Variants in DNAJC13 observed in about 807,000 individuals in gnomAD.
DNAJC13 encodes dnaJ homolog subfamily C member 13.
In DNAJC13, 75 loss-of-function variants were observed where a neutral mutation model predicts 290.5. The observed-to-expected ratio is 0.26, with a 90% CI of 0.21 to 0.31. The LOEUF (loss-of-function observed/expected upper bound fraction) is 0.31. DNAJC13 is among the 10% of genes least tolerant of loss of function. The pLI, the probability that DNAJC13 is intolerant of heterozygous loss-of-function variation, is 1.00. For missense variants in DNAJC13, 2,260 were observed against 2,674.5 expected, an observed-to-expected ratio of 0.85 and a Z score of 3.42; for synonymous variants, 862 against 892.0, an observed-to-expected ratio of 0.97 and a Z score of 0.60.
intron 51 of DNAJC13, 117 bp from the exon 52 acceptor site, chr3:132,525,493 A>G (rs1576521693): frequency 1.0e-6 from 1 of 1,000,936 alleles, no homozygotes; most frequent in East Asian, 2.5e-5. Context: ...ATCTGTTTTC[A>G]AGTATCAGCA....
intron 53 of DNAJC13, 97 bp downstream of exon 53, chr3:132,526,378 G>T (rs999095841): frequency 2.1e-6 from 3 of 1,443,838 alleles, no homozygotes; most frequent in Admixed American, 1.9e-5. Flanking sequence ...TTGACTTAAG[G>T]TTGGTGAGAG....
At chr3:132,496,040 G>A (rs1935225173) in intron 35 of DNAJC13, among the ~76,000 whole-genome samples, 1 of 152,140 alleles carries the variant, frequency 6.6e-6, no homozygotes, top group African/African-American at 2.4e-5. Flanking sequence ...AGAGCATGGA[G>A]TTAGGAGTAC....
At chr3:132,514,493 T>C (rs763534425) in intron 45 of DNAJC13, 78 bp from the exon 46 acceptor site, 4 of 935,172 alleles carry the variant, frequency 4.3e-6, no homozygotes, top group Non-Finnish European at 6.5e-6. Flanking sequence ...GTCTCACTTG[T>C]ACAGTCTATA....
chr3:132,522,427 G>A (rs1342273386), intron 48 of DNAJC13, among the ~76,000 whole-genome samples: 1 of 152,196 alleles, frequency 6.6e-6, no homozygotes, highest in Non-Finnish European at 1.5e-5. Context: ...AAATTAGTTT[G>A]TGTGGGCAGG....
Position 132,538,264 on chromosome 3 carries a change from C to A in DNAJC13, c.6714C>A (p.Asp2238Glu). 1.2e-6 allele frequency: 2 copies of A among 1,613,614 alleles called. No homozygotes were observed. Among genetic ancestry groups the A allele is most frequent in the Non-Finnish European group, 1.7e-6 (2 of 1,179,868 alleles). Reference sequence around the variant, plus strand: ...CTCCTGTAGACCATGAGGCAGGCGACCTTGGCTATCAGACTTGAAATATTC... The same window carrying A: ...CTCCTGTAGACCATGAGGCAGGCGAACTTGGCTATCAGACTTGAAATATTC... ...LPPPVDHEAG[D>E]LGYQT is the part of the protein sequence containing the mutation. The change falls in exon 56 of 56, where the codon GAC becomes GAA. Residue 2238 changes from aspartate (D) to glutamate (E), a missense_variant. Transcript: ENST00000260818.
At chr3:132,487,581 C>CTTTTTTTTTTTTTTTTTTTTTTTTTTT (rs1934922655) in intron 29 of DNAJC13, among the ~76,000 whole-genome samples, 1 of 46,846 alleles carries the variant, frequency 2.1e-5, no homozygotes, top group African/African-American at 2.8e-4. Flanking sequence ...TTTTTTTTTA[C>CTTTTTTTTTTTTTTTTTTTTTTTTTTT]TGGGAGCATT....
rs186470509 is a variant in DNAJC13, at chr3:132,451,264, C to T, written c.537+417C>T. On this transcript the variant is annotated intron_variant, in intron 6 of 55. Transcript: ENST00000260818. ...ATAGCTTGAGCCCAGGAGTTTGAGACCTGCCTGGCAACATAGTGAGACCTT... is the reference window on the plus strand; with the variant it reads ...ATAGCTTGAGCCCAGGAGTTTGAGATCTGCCTGGCAACATAGTGAGACCTT... Among the ~76,000 whole-genome samples the T allele has an allele frequency of 1.5e-4, 23 of 152,148 alleles. 1 individual carries two copies. Among genetic ancestry groups the T allele is most frequent in the Admixed American group, 9.8e-4 (15 of 15,276 alleles).
At chr3:132,488,232 T>TA (rs1446580084) in intron 29 of DNAJC13, 66 bp from the exon 30 acceptor site, 7 of 1,446,014 alleles carry the variant, frequency 4.8e-6, no homozygotes, top group African/African-American at 1.4e-5. Flanking sequence ...GCATATGAAA[T>TA]AAAAAACCTA....
intron 12 of DNAJC13, 74 bp from the exon 13 acceptor site, chr3:132,457,195 T>C (rs910468068): frequency 3.8e-6 from 4 of 1,049,704 alleles, no homozygotes; most frequent in South Asian, 3.5e-5. Flanking sequence ...AAAGTTAATA[T>C]GATCTATTTC....
At position 132,538,414 on chromosome 3, in the gene DNAJC13, T is replaced by C. The variant is rs1236622145; in HGVS notation, c.*132T>C. 6.1e-6 allele frequency: 4 copies of C among 659,110 alleles called. No homozygotes were observed. The highest frequency in any genetic ancestry group is 7.4e-6 in the Non-Finnish European group (3 of 407,378). The allele number at this position is 659,110 out of a possible 1,614,324, so 40.8% of individuals were successfully genotyped here. ...AGTGTTATTCCTTTTTCTATAAATATATTTTTAGGAAAAAAAGTCAGTGAT... is the reference window on the plus strand; with the variant it reads ...AGTGTTATTCCTTTTTCTATAAATACATTTTTAGGAAAAAAAGTCAGTGAT... On this transcript the variant is annotated 3_prime_UTR_variant, in exon 56 of 56. Transcript: ENST00000260818.
At chr3:132,458,310 A>T (rs1933681243) in intron 13 of DNAJC13, 1 of 152,240 alleles carries the variant, frequency 6.6e-6, no homozygotes, top group Non-Finnish European at 1.5e-5. Context: ...TTAGTCGTAC[A>T]TAAACATAAG....
At position 132,536,422 on chromosome 3, in the gene DNAJC13, A is replaced by G. The variant is rs116537199; in HGVS notation, c.6626-1754A>G. On this transcript the variant is annotated intron_variant, in intron 55 of 55. Transcript: ENST00000260818. Reference sequence around the variant, plus strand: ...ACACACACACAGAGGGGCAAAGGGAATAAATAAATATCCAGCAATGCCCCA... The same window carrying G: ...ACACACACACAGAGGGGCAAAGGGAGTAAATAAATATCCAGCAATGCCCCA... Among the ~76,000 whole-genome samples the G allele has an allele frequency of 7.4e-3, 1,123 of 152,288 alleles. 23 individuals carry two copies. The highest frequency in any genetic ancestry group is 0.025 in the African/African-American group (1,047 of 41,548).
intron 48 of DNAJC13, among the ~76,000 whole-genome samples, chr3:132,522,601 G>A (rs1474860421): frequency 6.6e-6 from 1 of 152,134 alleles, no homozygotes; most frequent in Non-Finnish European, 1.5e-5. Context: ...CAGAGAAAAT[G>A]AAACTTGATA....
At chr3:132,486,792 A>T (rs1354760268) in intron 29 of DNAJC13, among the ~76,000 whole-genome samples, 1 of 152,176 alleles carries the variant, frequency 6.6e-6, no homozygotes, top group Admixed American at 6.6e-5. Flanking sequence ...TTACCATCTG[A>T]TAGAGCTTCA....
chr3:132,467,251 A>G lies in DNAJC13; in HGVS notation c.2146A>G (p.Lys716Glu). 1.2e-6 allele frequency: 2 copies of G among 1,614,046 alleles called. No individual in the cohort carries two copies. The highest frequency in any genetic ancestry group is 8.5e-7 in the Non-Finnish European group (1 of 1,179,964). Residue 716 changes from lysine to glutamate, a missense_variant, in exon 20 of 56, where the codon AAA becomes GAA. By Grantham distance (56) the Lys-to-Glu change is moderately conservative (BLOSUM62 1). Coordinates refer to ENST00000260818, the MANE Select transcript of DNAJC13 (RefSeq NM_015268.4). ...KAAKEVEKFA[K>E]EKVDLVLMHW... ...TGCTAAAGAAGTTGAAAAATTTGCC[A>G]AAGAAAAAGTGGATCTTGTATTGAT...
At chr3:132,453,204 A>G in intron 6 of DNAJC13, 94 bp from the exon 7 acceptor site, 4 of 1,140,154 alleles carry the variant, frequency 3.5e-6, no homozygotes, top group South Asian at 1.6e-5. Context: ...TTTCTCTAGA[A>G]TTGCTACTTT....
intron 17 of DNAJC13, among the ~76,000 whole-genome samples, chr3:132,464,758 ATT>A (rs144995914): frequency 6.6e-5 from 10 of 152,296 alleles, no homozygotes; most frequent in Non-Finnish European, 1.2e-4. Context: ...ATTAGAGACT[ATT>A]GATAGCTTAT....
At chr3:132,468,089 T>G (rs922231421) in intron 20 of DNAJC13, among the ~76,000 whole-genome samples, 2 of 152,212 alleles carry the variant, frequency 1.3e-5, no homozygotes, top group African/African-American at 4.8e-5. Context: ...AATATTTGTT[T>G]CTCAAATCAA....
intron 46 of DNAJC13, among the ~76,000 whole-genome samples, chr3:132,515,508 T>G (rs183257363): frequency 1.3e-5 from 2 of 152,268 alleles, no homozygotes; most frequent in African/African-American, 4.8e-5. Flanking sequence ...TAAAGTCATT[T>G]GCAGATTGTT....
Sources: gnomAD v4.1 joint callset for allele counts (sites outside exome capture counted in the v4.1 genomes callset) on GRCh38, gnomAD v4.1.1 for gene constraint, MANE v1.5 for transcripts, NCBI Gene and HGNC (gene_info 2026-07-23, HGNC 2026-07-21) for gene names.